The following CNTNAP4 variants were observed in gnomAD, a reference collection of about 807,000 sequenced individuals.
CNTNAP4 encodes the protein contactin associated protein family member 4.
A neutral mutation model predicts 148.4 loss-of-function variants in CNTNAP4; 98 were observed. The ratio of observed to expected loss-of-function variants is 0.66; its 90% CI spans 0.56 to 0.78. CNTNAP4 has a LOEUF of 0.78. CNTNAP4 is among the 30% of genes least tolerant of loss of function. The pLI is 0.00. For missense variants in CNTNAP4, 1,935 were observed against 1,565.6 expected (o/e 1.24, Z -3.98); for synonymous variants, 730 against 565.1 (o/e 1.29, Z -4.14).
chr16:76,460,876 A>G (rs563999266), intron 8 of CNTNAP4, among the ~76,000 whole-genome samples: 1 of 149,198 alleles, frequency 6.7e-6, no homozygotes, highest in Admixed American at 6.7e-5. Flanking sequence ...TGAACACTGA[A>G]TTAGGGAATA....
rs545416772 is a variant in CNTNAP4 at position 76,503,695 on chromosome 16, C to T, written c.2365+5001C>T. ...CCTCCCCCTTCCCCCCACCCCACAA[C>T]AGGCCCCGGTGTGTGATGTTCCCCT... is the stretch of plus-strand genomic sequence containing the variant. On this transcript the variant is annotated intron_variant, in intron 15 of 23. Transcript: ENST00000611870. Among the ~76,000 whole-genome samples, 491 of 146,290 alleles carry T rather than the reference C, an allele frequency of 3.4e-3. 2 individuals are homozygous for T. Among genetic ancestry groups the T allele is most frequent in the African/African-American group, 0.012 (469 of 39,118 alleles).
intron 20 of CNTNAP4, among the ~76,000 whole-genome samples, chr16:76,540,459 C>T (rs948100793): frequency 2.6e-5 from 4 of 151,690 alleles, no homozygotes; most frequent in African/African-American, 9.7e-5. Flanking sequence ...AGGTAGGGTG[C>T]ACTGGCATCT....
At chr16:76,384,878 GAAC>G (rs1256411637) in intron 3 of CNTNAP4, among the ~76,000 whole-genome samples, 4 of 152,158 alleles carry the variant, frequency 2.6e-5, no homozygotes, top group African/African-American at 9.6e-5. Context: ...TAGAAAGTAA[GAAC>G]AACAGGGAAA....
In CNTNAP4 at chr16:76,558,782, G is replaced by A; in HGVS notation, c.*99G>A. 2.2e-6 allele frequency: 2 copies of A among 917,882 alleles called. No homozygotes were observed. The highest frequency in any genetic ancestry group is 3.2e-6 in the Non-Finnish European group (2 of 622,312). The allele number at this position is 917,882 out of a possible 1,614,324, so 56.9% of individuals were successfully genotyped here. On this transcript the variant is annotated 3_prime_UTR_variant, in exon 24 of 24. Coordinates refer to ENST00000611870, the MANE Select transcript of CNTNAP4 (RefSeq NM_033401.5). Reference sequence around the variant, plus strand: ...TGCTCTTACACTGAATGTACAGGCAGTGGGCTTGCAGCACTGCCATCTTGC... The same window carrying A: ...TGCTCTTACACTGAATGTACAGGCAATGGGCTTGCAGCACTGCCATCTTGC...
chr16:76,474,482 A>G (rs2081491220), intron 10 of CNTNAP4, among the ~76,000 whole-genome samples: 1 of 152,206 alleles, frequency 6.6e-6, no homozygotes, highest in South Asian at 2.1e-4. Flanking sequence ...AAAATCCATA[A>G]TATCTCTTTC....
At chr16:76,542,751 A>T (rs2084517360) in intron 21 of CNTNAP4, among the ~76,000 whole-genome samples, 1 of 152,214 alleles carries the variant, frequency 6.6e-6, no homozygotes, top group African/African-American at 2.4e-5. Flanking sequence ...AGAATTAAAA[A>T]TATGTGCAAC....
intron 3 of CNTNAP4, among the ~76,000 whole-genome samples, chr16:76,420,338 G>A (rs72487957): frequency 0.35 from 52,953 of 150,966 alleles, 10,921 homozygotes; most frequent in Non-Finnish European, 0.44. Flanking sequence ...TTTATTGTAC[G>A]TAGGACACTA....
At chr16:76,376,043 A>T (rs372307070) in intron 3 of CNTNAP4, among the ~76,000 whole-genome samples, 3 of 152,068 alleles carry the variant, frequency 2.0e-5, no homozygotes, top group East Asian at 3.9e-4. Flanking sequence ...AAAAGGAGAC[A>T]AGAAGGAGCA....
chr16:76,552,002 G>C (rs1483618351), intron 21 of CNTNAP4, among the ~76,000 whole-genome samples: 1 of 152,130 alleles, frequency 6.6e-6, no homozygotes, highest in Admixed American at 6.5e-5. Flanking sequence ...AAAGGAAAGA[G>C]GTGTAATCAA....
rs147063776 is a variant in CNTNAP4 at position 76,348,609 on chromosome 16, A to C, written c.197-6709A>C. On this transcript the variant is annotated intron_variant, in intron 2 of 23. Coordinates refer to ENST00000611870, the MANE Select transcript of CNTNAP4 (RefSeq NM_033401.5). The stretch of plus-strand genomic sequence containing the variant: ...GCTTTTGTGGAAGCTAAGTGAGCAA[A>C]GTCTATTTGGGCATTGAGAATGATC... 8.4e-3 allele frequency among the ~76,000 whole-genome samples: 1,272 copies of C among 152,306 alleles called. 16 individuals are homozygous for C. The highest frequency in any genetic ancestry group is 0.029 in the African/African-American group (1,207 of 41,570).
chr16:76,460,565 T>A (rs1427972179), intron 8 of CNTNAP4, among the ~76,000 whole-genome samples: 1 of 144,896 alleles, frequency 6.9e-6, no homozygotes, highest in Non-Finnish European at 1.5e-5. Context: ...ATCGAGACCA[T>A]CCTGGCTAAC....
intron 12 of CNTNAP4, among the ~76,000 whole-genome samples, chr16:76,487,164 G>A (rs777926200): frequency 6.6e-6 from 1 of 152,188 alleles, no homozygotes; most frequent in Admixed American, 6.5e-5. Flanking sequence ...TTATATAACA[G>A]CTCAAAGCAA....
At chr16:76,439,331 GTGT>G (rs142082891) in intron 4 of CNTNAP4, among the ~76,000 whole-genome samples, 53,794 of 151,902 alleles carry the variant, frequency 0.35, 10,173 homozygotes, top group Middle Eastern at 0.51. Flanking sequence ...GTGATTTCAA[GTGT>G]TGTTATTATT....
chr16:76,367,703 A>G (rs2014315057), intron 3 of CNTNAP4, among the ~76,000 whole-genome samples: 1 of 152,210 alleles, frequency 6.6e-6, no homozygotes, highest in African/African-American at 2.4e-5. Context: ...AAATATCCCA[A>G]TAACTGTCAC....
At chr16:76,366,178 T>A (rs962229751) in intron 3 of CNTNAP4, among the ~76,000 whole-genome samples, 2 of 152,184 alleles carry the variant, frequency 1.3e-5, no homozygotes, top group African/African-American at 4.8e-5. Flanking sequence ...GGGATACATG[T>A]GCAGGTTTGT....
chr16:76,478,854 T>A (rs144138697), intron 11 of CNTNAP4, among the ~76,000 whole-genome samples: 5 of 152,270 alleles, frequency 3.3e-5, no homozygotes, highest in Non-Finnish European at 5.9e-5. Context: ...GTAAATTACT[T>A]AAAATTATTG....
At chr16:76,526,304 G>C (rs1268108179) in intron 17 of CNTNAP4, among the ~76,000 whole-genome samples, 1 of 152,168 alleles carries the variant, frequency 6.6e-6, no homozygotes, top group Admixed American at 6.6e-5. Context: ...GAAAGAATCA[G>C]ATTTAGGGAA....
At chr16:76,383,075 A>T (rs79866201) in intron 3 of CNTNAP4, among the ~76,000 whole-genome samples, 2 of 151,496 alleles carry the variant, frequency 1.3e-5, no homozygotes, top group South Asian at 4.2e-4. Flanking sequence ...TAGTCTGAAC[A>T]TTGGTTTGTA....
In CNTNAP4 at chr16:76,290,920, A is replaced by G. The variant is rs1597093239; in HGVS notation, c.85+13173A>G. Among the ~76,000 whole-genome samples, 8 of 151,874 alleles carry G rather than the reference A, an allele frequency of 5.3e-5. 1 individual carries two copies. The Middle Eastern group carries it at 0.024, about 452-fold the overall frequency. On this transcript the variant is annotated intron_variant, in intron 1 of 23. Coordinates refer to ENST00000611870, the MANE Select transcript of CNTNAP4 (RefSeq NM_033401.5). Reference sequence around the variant, plus strand: ...CTCTCCTCCTGACTTGCAGATGACCACCTCCTTGCTGTGTCTTATGTGGCC... The same window carrying G: ...CTCTCCTCCTGACTTGCAGATGACCGCCTCCTTGCTGTGTCTTATGTGGCC...
Sources: gnomAD v4.1 joint callset for allele counts (sites outside exome capture counted in the v4.1 genomes callset) on GRCh38, gnomAD v4.1.1 for gene constraint, MANE v1.5 for transcripts, NCBI Gene and HGNC (gene_info 2026-07-23, HGNC 2026-07-21) for gene names.